SAMSN1: variants seen among roughly 807,000 people sequenced by gnomAD.
SAMSN1 encodes the protein SAM domain, SH3 domain and nuclear localization signals 1.
Under a neutral mutation model 42.0 loss-of-function variants are expected in SAMSN1, and 31 were observed. The ratio of observed to expected loss-of-function variants is 0.74; its 90% CI spans 0.55 to 1.00. The LOEUF is 1.00. Among genes scored for constraint, SAMSN1 ranks in the 50% least tolerant of loss-of-function variants. SAMSN1 has a pLI of 0.00. For synonymous variants in SAMSN1, 178 were observed against 151.9 expected (o/e 1.17, Z -1.26); for missense variants, 464 against 439.4 (o/e 1.06, Z -0.50).
chr21:14,555,391 A>G (rs754013062), intron 2 of SAMSN1, among the ~76,000 whole-genome samples: 1 of 151,954 alleles, frequency 6.6e-6, no homozygotes, highest in Non-Finnish European at 1.5e-5. Flanking sequence ...ATTTTTATTA[A>G]CTCCAAGTCT....
At chr21:14,628,566 T>G (rs1983242394) in intron 2 of SAMSN1, among the ~76,000 whole-genome samples, 1 of 152,176 alleles carries the variant, frequency 6.6e-6, no homozygotes, top group Non-Finnish European at 1.5e-5. Context: ...TTTATGTGAC[T>G]GGTAACAAGT....
rs371375734 is a variant in SAMSN1, at chr21:14,509,382, C to T, written c.561+928G>A. 5.9e-5 allele frequency among the ~76,000 whole-genome samples: 9 copies of T among 152,088 alleles called. No homozygotes were observed. The East Asian group carries it at 7.7e-4, about 13-fold the overall frequency. Reference sequence around the variant, plus strand: ...ATGCAAAGGCATAGGAATGACCCAACGGACTTTGGGGACTTGGGGAAAGGG... The same window carrying T: ...ATGCAAAGGCATAGGAATGACCCAATGGACTTTGGGGACTTGGGGAAAGGG... On this transcript the variant is annotated intron_variant, in intron 5 of 7. Transcript: ENST00000400566.
chr21:14,650,254 A>G lies in SAMSN1; in HGVS notation c.25-7121T>C, dbSNP rs73353603. Among the ~76,000 whole-genome samples the G allele has an allele frequency of 6.1e-3, 931 of 152,276 alleles. 8 individuals are homozygous for G. Among genetic ancestry groups the G allele is most frequent in the African/African-American group, 0.021 (862 of 41,564 alleles). The stretch of plus-strand genomic sequence containing the variant: ...GCAGAATACTCATTCTTTTCCCTAG[A>G]AAGTGGATCATTCTCAAGAATACAA... On this transcript the variant is annotated intron_variant, in intron 1 of 15. Coordinates refer to the SAMSN1 transcript ENST00000647101.
intron 6 of SAMSN1, among the ~76,000 whole-genome samples, chr21:14,601,280 C>G (rs150968136): frequency 2.0e-5 from 3 of 152,318 alleles, no homozygotes; most frequent in African/African-American, 4.8e-5. Context: ...GGATCAAAAT[C>G]ATGATCTACC....
intron 1 of SAMSN1, among the ~76,000 whole-genome samples, chr21:14,545,903 A>G (rs536086953): frequency 6.6e-6 from 1 of 152,316 alleles, no homozygotes; most frequent in African/African-American, 2.4e-5. Flanking sequence ...AGATTTTATA[A>G]TAACAAACAC....
chr21:14,542,825 T>C (rs955292853), intron 1 of SAMSN1, among the ~76,000 whole-genome samples: 2 of 152,078 alleles, frequency 1.3e-5, no homozygotes, highest in Non-Finnish European at 2.9e-5. Context: ...GTGCCTGTGG[T>C]CCCAGCTACT....
At chr21:14,516,600 C>A (rs575872988) in intron 3 of SAMSN1, among the ~76,000 whole-genome samples, 1 of 152,104 alleles carries the variant, frequency 6.6e-6, no homozygotes, top group Non-Finnish European at 1.5e-5. Context: ...CCATGTTGGC[C>A]AGGCTGGTCT....
intron 5 of SAMSN1, among the ~76,000 whole-genome samples, chr21:14,606,390 T>C (rs1195930532): frequency 6.6e-6 from 1 of 152,186 alleles, no homozygotes; most frequent in Admixed American, 6.5e-5. Flanking sequence ...TTATTCTTTG[T>C]ACTTTCTGGT....
intron 2 of SAMSN1, chr21:14,582,086 A>T (rs752356703): frequency 6.9e-7 from 1 of 1,440,850 alleles, no homozygotes; most frequent in Non-Finnish European, 9.2e-7. Flanking sequence ...CTTTCCCGAC[A>T]GTACAAAACC....
intron 2 of SAMSN1, chr21:14,582,060 C>T (rs1364920563): frequency 1.5e-6 from 2 of 1,330,012 alleles, no homozygotes; most frequent in Non-Finnish European, 2.0e-6. Flanking sequence ...CTGATTAGCA[C>T]TTTTGCTATC....
chr21:14,553,507 A>G (rs1052666138), intron 2 of SAMSN1, among the ~76,000 whole-genome samples: 3 of 152,132 alleles, frequency 2.0e-5, no homozygotes, highest in Non-Finnish European at 2.9e-5. Flanking sequence ...TCCGTTGAGG[A>G]TAGAATGGAA....
exon 5 of SAMSN1, chr21:14,609,532 T>C: frequency 1.4e-6 from 1 of 718,140 alleles, no homozygotes. Context: ...ATGCTTGCTG[T>C]GTTCCTGCCA....
intron 2 of SAMSN1, among the ~76,000 whole-genome samples, chr21:14,617,328 T>G (rs1455914361): frequency 1.3e-5 from 2 of 152,180 alleles, no homozygotes; most frequent in East Asian, 3.8e-4. Flanking sequence ...TCAAGGTCTT[T>G]TTCTGAAATT....
chr21:14,621,040 T>G (rs1438575776), intron 2 of SAMSN1, among the ~76,000 whole-genome samples: 3 of 152,254 alleles, frequency 2.0e-5, no homozygotes, highest in African/African-American at 7.2e-5. Flanking sequence ...TAAGTATGTT[T>G]CTGGATATTT....
At chr21:14,492,642 G>GA (rs1464635846) in intron 7 of SAMSN1, among the ~76,000 whole-genome samples, 1 of 152,112 alleles carries the variant, frequency 6.6e-6, no homozygotes, top group African/African-American at 2.4e-5. Flanking sequence ...TGACTAAAGT[G>GA]AAAAATCTGT....
chr21:14,543,929 T>C (rs1238591872), intron 1 of SAMSN1, among the ~76,000 whole-genome samples: 1 of 152,248 alleles, frequency 6.6e-6, no homozygotes, highest in African/African-American at 2.4e-5. Context: ...AATTTCTTGA[T>C]GGTTCTGTTT....
At chr21:14,501,278 G>C (rs763452747) in intron 5 of SAMSN1, among the ~76,000 whole-genome samples, 3 of 152,164 alleles carry the variant, frequency 2.0e-5, no homozygotes, top group Admixed American at 6.5e-5. Context: ...TAACTGTAGA[G>C]TCTGCAGTAT....
At chr21:14,540,219 G>A (rs1979920057) in intron 1 of SAMSN1, among the ~76,000 whole-genome samples, 1 of 152,136 alleles carries the variant, frequency 6.6e-6, no homozygotes, top group Non-Finnish European at 1.5e-5. Flanking sequence ...TACCATTCAG[G>A]ACATAGGCAT....
At chr21:14,633,942 T>C (rs395625) in intron 2 of SAMSN1, among the ~76,000 whole-genome samples, 120,078 of 151,992 alleles carry the variant, frequency 0.79, 47,679 homozygotes, top group Middle Eastern at 0.89. Context: ...TTCTCATTAA[T>C]ATCTAGTAGC....
Sources: gnomAD v4.1 joint callset for allele counts (sites outside exome capture counted in the v4.1 genomes callset) on GRCh38, gnomAD v4.1.1 for gene constraint, MANE v1.5 for transcripts, NCBI Gene and HGNC (gene_info 2026-07-23, HGNC 2026-07-21) for gene names.